NIBAN3: variants seen among roughly 807,000 people sequenced by gnomAD.
The protein encoded by NIBAN3 is protein Niban 3.
A neutral mutation model predicts 76.4 loss-of-function variants in NIBAN3; 66 were observed. The ratio of observed to expected loss-of-function variants is 0.86; its 90% confidence interval spans 0.71 to 1.06. NIBAN3 has a LOEUF of 1.06. Among genes scored for constraint, NIBAN3 ranks in the 50% least tolerant of loss-of-function variants. The pLI is 0.00. For missense variants in NIBAN3, 808 were observed against 810.7 expected (o/e 1.00, Z 0.04); for synonymous variants, 360 against 355.2 (o/e 1.01, Z -0.15).
At chr19:17,530,366 T>C (rs1244299050) in intron 1 of NIBAN3, among the ~76,000 whole-genome samples, 1 of 150,858 alleles carries the variant, frequency 6.6e-6, no homozygotes, top group Non-Finnish European at 1.5e-5. Context: ...AACCCGTCTC[T>C]ACTAAAAAAT....
At chr19:17,543,841 A>C in intron 12 of NIBAN3, 1 of 379,348 alleles carries the variant, frequency 2.6e-6, no homozygotes, top group African/African-American at 2.1e-5. Context: ...AAATACAAAA[A>C]ATTAGCCAGG....
At chr19:17,535,342 AG>A (rs1159488923) in intron 4 of NIBAN3, among the ~76,000 whole-genome samples, 1 of 152,234 alleles carries the variant, frequency 6.6e-6, no homozygotes, top group African/African-American at 2.4e-5. Context: ...GCTACTCAGA[AG>A]GCAGAGGCGG....
intron 13 of NIBAN3, among the ~76,000 whole-genome samples, chr19:17,547,851 G>C (rs2076087729): frequency 6.6e-6 from 1 of 151,588 alleles, no homozygotes; most frequent in African/African-American, 2.4e-5. Flanking sequence ...ATTTTTAGTA[G>C]AGATGGGGTT....
chr19:17,552,905 T>TA lies in NIBAN3; in HGVS notation c.*1013dup, dbSNP rs1046742607. 13 of 144,518 alleles carry TA rather than the reference T, an allele frequency of 9.0e-5. No individual in the cohort carries two copies. The highest frequency in any genetic ancestry group is 3.4e-4 in the African/African-American group (13 of 37,884). 9.0% of individuals were successfully genotyped at this position (144,518 alleles called of 1,614,324 possible). The stretch of plus-strand genomic sequence containing the variant: ...GCAATGTGGTGAAACCTGTCTCTAC[T>TA]AAAAAATAAAATAAATAAATAAATA... On this transcript the variant is annotated 3_prime_UTR_variant, in exon 15 of 15. Coordinates refer to ENST00000599164, the MANE Select transcript of NIBAN3 (RefSeq NM_001321827.2).
chr19:17,527,357 C>T lies in NIBAN3; in HGVS notation c.17C>T (p.Ser6Leu), dbSNP rs370585817. Residue 6 changes from serine to leucine, a missense_variant, in exon 1 of 15, where the codon TCG (serine) becomes TTG (leucine). By Grantham distance (145) the Ser-to-Leu change is moderately radical. Coordinates refer to ENST00000599164, the MANE Select transcript of NIBAN3 (RefSeq NM_001321827.2). ...GACAGCAGCATGGGTGGGCGGCCTT[C>T]GAGCCCTCTGGACAAGCAGCAGCGG... is the stretch of plus-strand genomic sequence containing the variant. MGGRP[S>L]SPLDKQQRQH... is the part of the protein sequence containing the mutation. 8 of 1,548,486 alleles carry T rather than the reference C, an allele frequency of 5.2e-6. No individual in the cohort carries two copies. The highest frequency in any genetic ancestry group is 1.8e-4 in the Middle Eastern group (1 of 5,508).
chr19:17,530,869 A>C lies in NIBAN3; in HGVS notation c.170A>C (p.Gln57Pro). ...ELGPQEPTGS[Q>P]LLRSKKLPRV... is the part of the protein sequence containing the mutation. Reference sequence around the variant, plus strand: ...GGCCCTCAGGAGCCGACCGGAAGCCAGTTGCTACGCAGCAAAGTGGGTGTT... The same window carrying C: ...GGCCCTCAGGAGCCGACCGGAAGCCCGTTGCTACGCAGCAAAGTGGGTGTT... The change falls in exon 2 of 15, where the codon CAG (glutamine) becomes CCG (proline). Residue 57 changes from glutamine (Q) to proline (P), a missense_variant. Transcript: ENST00000599164. The C allele has an allele frequency of 6.2e-7, 1 of 1,613,348 alleles. No homozygotes were observed. Among genetic ancestry groups the C allele is most frequent in the Non-Finnish European group, 8.5e-7 (1 of 1,179,790 alleles).
At chr19:17,545,777 G>A (rs963073889) in intron 12 of NIBAN3, 15 of 211,532 alleles carry the variant, frequency 7.1e-5, no homozygotes, top group Non-Finnish European at 1.4e-4. Flanking sequence ...GATGGAACAC[G>A]AAGGCGGACT....
chr19:17,539,910 A>G (rs1351919163), intron 8 of NIBAN3, 145 bp downstream of exon 8: 1 of 188,824 alleles, frequency 5.3e-6, no homozygotes. Context: ...AGGATGTGCA[A>G]GGGAACGGGT....
chr19:17,530,174 T>C (rs2075688786), intron 1 of NIBAN3, among the ~76,000 whole-genome samples: 1 of 151,524 alleles, frequency 6.6e-6, no homozygotes, highest in South Asian at 2.1e-4. Context: ...TAGTCAGTCG[T>C]GGTGGCAGAA....
chr19:17,529,937 T>A (rs994585977), intron 1 of NIBAN3, among the ~76,000 whole-genome samples: 2 of 152,004 alleles, frequency 1.3e-5, no homozygotes, highest in Non-Finnish European at 2.9e-5. Context: ...CACGTGCACA[T>A]GATCCCAGCT....
chr19:17,528,381 T>C (rs1026272347), intron 1 of NIBAN3, among the ~76,000 whole-genome samples: 2 of 152,166 alleles, frequency 1.3e-5, no homozygotes, highest in African/African-American at 2.4e-5. Context: ...TGTGAGCCAC[T>C]GTGCCCAGAA....
rs1264063042 is a variant in NIBAN3 at position 17,542,417 on chromosome 19, T to C, written c.1329+123T>C. 2 of 1,086,442 alleles carry C rather than the reference T, an allele frequency of 1.8e-6. No homozygotes were observed. The highest frequency in any genetic ancestry group is 2.5e-5 in the East Asian group (1 of 40,486). The allele number at this position is 1,086,442 out of a possible 1,614,324, so 67.3% of individuals were successfully genotyped here. On this transcript the variant is annotated intron_variant, in intron 10 of 14. Coordinates refer to ENST00000599164, the MANE Select transcript of NIBAN3 (RefSeq NM_001321827.2). This position sits in a 1 kb window ranked among gnomAD's most constrained non-coding sequence, Gnocchi z 4.8. Reference sequence around the variant, plus strand: ...CAACTCCGCGGGGCTGCCAGTCTCATGGGGACATGAGCCCGTGACCAGGCA... The same window carrying C: ...CAACTCCGCGGGGCTGCCAGTCTCACGGGGACATGAGCCCGTGACCAGGCA...
At chr19:17,527,420 G>A in intron 1 of NIBAN3, 25 bp downstream of exon 1, 1 of 1,489,262 alleles carries the variant, frequency 6.7e-7, no homozygotes, top group Non-Finnish European at 9.0e-7. Flanking sequence ...AGGGGACAGG[G>A]TGGGAGTCCA....
intron 1 of NIBAN3, among the ~76,000 whole-genome samples, chr19:17,529,200 A>T (rs1429311671): frequency 6.6e-6 from 1 of 152,048 alleles, no homozygotes; most frequent in Non-Finnish European, 1.5e-5. Context: ...CGCCTAGCTC[A>T]TGGGGCTGGG....
intron 14 of NIBAN3, 104 bp from the exon 15 acceptor site, chr19:17,551,682 C>T (rs946542402): frequency 2.4e-5 from 14 of 582,236 alleles, no homozygotes; most frequent in Middle Eastern, 5.3e-4. Flanking sequence ...TGAGCCATTG[C>T]GCCCAGCCAA....
At chr19:17,533,533 C>G (rs2075769960) in intron 3 of NIBAN3, 54 bp from the exon 4 acceptor site, 3 of 1,254,768 alleles carry the variant, frequency 2.4e-6, no homozygotes, top group East Asian at 4.7e-5. Flanking sequence ...AGTTGGGACA[C>G]AGAAGCCACA....
rs1329774141 is a variant in NIBAN3, at chr19:17,542,019, C to T, written c.1171-117C>T. Reference sequence around the variant, plus strand: ...GTATTATGAGTTTCTTTGGTGACAGCTGAGACGGGATGTATTTTCATTTGT... The same window carrying T: ...GTATTATGAGTTTCTTTGGTGACAGTTGAGACGGGATGTATTTTCATTTGT... On this transcript the variant is annotated intron_variant, in intron 9 of 14. Coordinates refer to ENST00000599164, the MANE Select transcript of NIBAN3 (RefSeq NM_001321827.2). This position sits in a 1 kb window ranked among gnomAD's most constrained non-coding sequence, Gnocchi z 4.8. The T allele has an allele frequency of 3.2e-6, 4 of 1,268,530 alleles. No individual in the cohort carries two copies. 78.6% of individuals were successfully genotyped at this position (1,268,530 alleles called of 1,614,324 possible). A position where few individuals can be genotyped will look rare whatever the true frequency, so the allele number is the denominator to read the frequency against.
chr19:17,536,643 G>C (rs2075829000), intron 4 of NIBAN3, among the ~76,000 whole-genome samples: 1 of 152,120 alleles, frequency 6.6e-6, no homozygotes. Context: ...GGGCCCAAGG[G>C]ATCCTCCCAC....
intron 10 of NIBAN3, among the ~76,000 whole-genome samples, chr19:17,543,101 G>T (rs1007837932): frequency 4.6e-5 from 7 of 152,176 alleles, no homozygotes; most frequent in African/African-American, 1.7e-4. Flanking sequence ...AGAGGGAAGG[G>T]GCTTTCTGTC....
Sources: gnomAD v4.1 joint callset for allele counts (sites outside exome capture counted in the v4.1 genomes callset) on GRCh38, gnomAD v4.1.1 for gene constraint, Gnocchi (gnomAD v3.1) non-coding constraint, MANE v1.5 for transcripts, NCBI Gene and HGNC (gene_info 2026-07-23, HGNC 2026-07-21) for gene names.